OCA2: variants seen among roughly 807,000 people sequenced by gnomAD.
OCA2 encodes OCA2 melanosomal transmembrane protein.
OCA2 carries 77 observed loss-of-function variants against 100.2 expected under a neutral mutation model. That is an observed-to-expected ratio of 0.77 (90% confidence interval 0.64 to 0.93). The LOEUF (loss-of-function observed/expected upper bound fraction) is 0.93. Ranked by LOEUF, OCA2 falls within the 40% of genes least tolerant of loss-of-function variation. OCA2 has a pLI of 0.00. For missense variants in OCA2, 1,062 were observed against 1,089.1 expected, an observed-to-expected ratio of 0.98 and a Z score of 0.35; for synonymous variants, 432 against 439.2, an observed-to-expected ratio of 0.98 and a Z score of 0.21.
At chr15:27,910,251 T>C (rs747462891) in intron 19 of OCA2, among the ~76,000 whole-genome samples, 34 of 152,120 alleles carry the variant, frequency 2.2e-4, no homozygotes, top group Non-Finnish European at 4.6e-4. Context: ...CCAGTGGGAG[T>C]ATAACCCAGC....
intron 5 of OCA2, among the ~76,000 whole-genome samples, chr15:28,023,639 C>G (rs976432526): frequency 1.3e-5 from 2 of 152,134 alleles, no homozygotes; most frequent in African/African-American, 4.8e-5. Context: ...CACAGTCACA[C>G]CCCCATCACA....
downstream of OCA2, among the ~76,000 whole-genome samples, chr15:27,752,492 A>G (rs16950399): frequency 0.1 from 15,750 of 152,098 alleles, 1,475 homozygotes; most frequent in African/African-American, 0.24. Context: ...TTTCTTCAGA[A>G]GTGGACTTTT....
chr15:27,825,088 A>T (rs1489506562), intron 23 of OCA2, among the ~76,000 whole-genome samples: 1 of 152,176 alleles, frequency 6.6e-6, no homozygotes, highest in Non-Finnish European at 1.5e-5. Context: ...CAAAATTATC[A>T]CATTAGACAC....
chr15:28,053,230 A>C (rs905639376), intron 2 of OCA2, among the ~76,000 whole-genome samples: 1 of 150,794 alleles, frequency 6.6e-6, no homozygotes, highest in Non-Finnish European at 1.5e-5. Flanking sequence ...CTTGGCACAC[A>C]CATGGTGTGT....
chr15:28,001,098 C>T (rs2041910607), intron 9 of OCA2, among the ~76,000 whole-genome samples: 1 of 152,152 alleles, frequency 6.6e-6, no homozygotes, highest in African/African-American at 2.4e-5. Context: ...AAAAATCCCA[C>T]TTCTGGGTCT....
intron 9 of OCA2, among the ~76,000 whole-genome samples, chr15:28,013,389 C>T (rs1011067797): frequency 5.9e-5 from 9 of 152,130 alleles, no homozygotes; most frequent in Non-Finnish European, 1.0e-4. Context: ...TACTCAGCTT[C>T]GGGACTATTC....
rs754265614 is a variant in OCA2 at position 27,957,657 on chromosome 15, C to T, written c.1715G>A (p.Arg572His). 6.2e-6 allele frequency: 10 copies of T among 1,612,966 alleles called. No individual in the cohort carries two copies. The highest frequency in any genetic ancestry group is 3.3e-5 in the Admixed American group (2 of 59,998). Residue 572 changes from arginine to histidine, a missense_variant, in exon 16 of 24, where the codon CGC becomes CAC. Coordinates refer to ENST00000354638, the MANE Select transcript of OCA2 (RefSeq NM_000275.3). The surrounding 1 kb of genome is among the most constrained non-coding windows in gnomAD (Gnocchi z 4.3). Reference protein sequence around the residue: ...SPASREETAVRRLLLGKVLAL... With the variant: ...SPASREETAVHRLLLGKVLAL... ...CAGCACCTTCCCCAGCAGCAGGCGG[C>T]GCACAGCTGTCTCCTCGCGGCTGGC...
chr15:27,951,926 CA>C (rs1555440076), intron 17 of OCA2, 34 bp from the exon 18 acceptor site: 1 of 1,420,150 alleles, frequency 7.0e-7, no homozygotes, highest in Non-Finnish European at 1.0e-6. Flanking sequence ...ATTTACTCTG[CA>C]CAACCTTCTG....
At chr15:28,062,988 A>C (rs535949798) in intron 2 of OCA2, among the ~76,000 whole-genome samples, 1 of 152,312 alleles carries the variant, frequency 6.6e-6, no homozygotes, top group South Asian at 2.1e-4. Context: ...AGCAGAAAGC[A>C]TGAGTCTTCC....
intron 18 of OCA2, among the ~76,000 whole-genome samples, chr15:27,930,187 C>T (rs762219406): frequency 3.3e-5 from 5 of 152,078 alleles, no homozygotes; most frequent in African/African-American, 9.7e-5. Flanking sequence ...GAATTGAACA[C>T]GATGTTTGCT....
chr15:27,843,582 T>C (rs533428924), intron 23 of OCA2, among the ~76,000 whole-genome samples: 1 of 152,312 alleles, frequency 6.6e-6, no homozygotes, highest in East Asian at 1.9e-4. Flanking sequence ...ACCCTGTCCC[T>C]TAGCGGCAGG....
intron 23 of OCA2, among the ~76,000 whole-genome samples, chr15:27,834,017 A>G (rs1265729818): frequency 6.6e-6 from 1 of 152,114 alleles, no homozygotes; most frequent in Non-Finnish European, 1.5e-5. Context: ...GAGTGATAAG[A>G]GTGACAGGAA....
chr15:27,860,760 C>T (rs56310613), intron 21 of OCA2, among the ~76,000 whole-genome samples: 4,013 of 152,274 alleles, frequency 0.026, 80 homozygotes, highest in Admixed American at 0.053. Flanking sequence ...GTGATGGACA[C>T]GCAAGGGCAC....
At chr15:27,907,418 TAAC>T (rs563680259) in intron 19 of OCA2, among the ~76,000 whole-genome samples, 49 of 151,798 alleles carry the variant, frequency 3.2e-4, no homozygotes, top group Non-Finnish European at 4.9e-4. Context: ...ACACATTTAA[TAAC>T]AACACTGAAA....
chr15:27,795,496 C>T (rs2033290552), intron 23 of OCA2, among the ~76,000 whole-genome samples: 1 of 152,156 alleles, frequency 6.6e-6, no homozygotes, highest in African/African-American at 2.4e-5. Context: ...GCCCAACTCA[C>T]TGATCCTCAG....
intron 21 of OCA2, among the ~76,000 whole-genome samples, chr15:27,862,271 C>T (rs982225771): frequency 7.9e-5 from 12 of 151,178 alleles, no homozygotes; most frequent in Admixed American, 2.6e-4. Context: ...AAAGCGTGGT[C>T]GTCAGCCTCA....
rs1281021948 is a variant in OCA2 at position 28,018,277 on chromosome 15, T to C, written c.807+120A>G. ...GCAAAAGATAAGAAGAGCCAATGAATTGACTAAGAATGGTGTCCTCGCCTG... is the reference window on the plus strand; with the variant it reads ...GCAAAAGATAAGAAGAGCCAATGAACTGACTAAGAATGGTGTCCTCGCCTG... On this transcript the variant is annotated intron_variant, in intron 7 of 23. Coordinates refer to ENST00000354638, the MANE Select transcript of OCA2 (RefSeq NM_000275.3). 2.7e-5 allele frequency: 24 copies of C among 891,396 alleles called. No homozygotes were observed. In the Admixed American group the frequency reaches 3.5e-4, roughly 13 times the overall value. 55.2% of individuals were successfully genotyped at this position (891,396 alleles called of 1,614,324 possible). A position where few individuals can be genotyped will look rare whatever the true frequency, so the allele number is the denominator to read the frequency against.
At chr15:27,798,988 T>C (rs557708395) in intron 23 of OCA2, among the ~76,000 whole-genome samples, 5 of 152,268 alleles carry the variant, frequency 3.3e-5, no homozygotes, top group Admixed American at 1.3e-4. Flanking sequence ...CAGCTGCAGG[T>C]TGAGAGATCT....
At chr15:27,912,436 G>A (rs529279963) in intron 19 of OCA2, among the ~76,000 whole-genome samples, 1 of 152,160 alleles carries the variant, frequency 6.6e-6, no homozygotes, top group African/African-American at 2.4e-5. Context: ...AAATTGATGA[G>A]GATGTGTCTA....
Sources: gnomAD v4.1 joint callset for allele counts (sites outside exome capture counted in the v4.1 genomes callset) on GRCh38, gnomAD v4.1.1 for gene constraint, Gnocchi (gnomAD v3.1) non-coding constraint, MANE v1.5 for transcripts, NCBI Gene and HGNC (gene_info 2026-07-23, HGNC 2026-07-21) for gene names.